Variants in TLN2 observed in about 807,000 individuals in gnomAD.
TLN2 encodes talin 2, also known as talin-2.
A neutral mutation model predicts 294.7 loss-of-function variants in TLN2; 118 were observed. The ratio of observed to expected loss-of-function variants is 0.40; its 90% CI spans 0.34 to 0.47. The LOEUF is 0.47. TLN2 is among the 20% of genes least tolerant of loss of function. TLN2 has a pLI of 0.84. For missense variants in TLN2, 3,083 were observed against 3,282.2 expected (o/e 0.94, Z 1.48); for synonymous variants, 1,431 against 1,304.5 (o/e 1.10, Z -2.09).
At chr15:62,669,441 T>C (rs1249520241) in intron 9 of TLN2, among the ~76,000 whole-genome samples, 4 of 152,196 alleles carry the variant, frequency 2.6e-5, no homozygotes, top group South Asian at 2.1e-4. Flanking sequence ...TTTACTGGAA[T>C]AGAGGATCTG....
intron 42 of TLN2, among the ~76,000 whole-genome samples, 164 bp downstream of exon 42, chr15:62,771,298 TAGGG>T (rs1198489954): frequency 6.6e-6 from 1 of 152,196 alleles, no homozygotes; most frequent in Non-Finnish European, 1.5e-5. Flanking sequence ...CCAAGGTTCT[TAGGG>T]AGGAAATGAA....
intron 1 of TLN2, among the ~76,000 whole-genome samples, chr15:62,467,490 C>T (rs1342223135): frequency 5.9e-5 from 9 of 152,182 alleles, no homozygotes; most frequent in South Asian, 2.1e-4. Context: ...GTCAGGAGTT[C>T]GAGACCAGCC....
chr15:62,770,401 G>A (rs373391468), intron 41 of TLN2, among the ~76,000 whole-genome samples: 1 of 152,164 alleles, frequency 6.6e-6, no homozygotes, highest in African/African-American at 2.4e-5. Context: ...GTTCCTGTCG[G>A]GATAAGCTTT....
rs778629515 is a variant in TLN2, at chr15:62,711,971, T to C, written c.2528T>C (p.Met843Thr). ...AQATSDLVNA[M>T]RSDAEAEIDM... is the part of the protein sequence containing the mutation. ...GCCACATCAGACCTCGTCAATGCCA[T>C]GAGGTCAGATGCAGAAGCCGAAATC... The change falls in exon 22 of 59, where the codon ATG (methionine) becomes ACG (threonine). Residue 843 changes from methionine (M) to threonine (T), a missense_variant. Coordinates refer to ENST00000636159, the MANE Select transcript of TLN2 (RefSeq NM_015059.3). The C allele has an allele frequency of 6.2e-7, 1 of 1,614,138 alleles. No individual in the cohort carries two copies. Among genetic ancestry groups the C allele is most frequent in the Non-Finnish European group, 8.5e-7 (1 of 1,179,996 alleles).
At chr15:62,643,829 G>A (rs1567246985) in intron 3 of TLN2, among the ~76,000 whole-genome samples, 1 of 152,150 alleles carries the variant, frequency 6.6e-6, no homozygotes, top group East Asian at 1.9e-4. Context: ...CACCTTCTCC[G>A]CAATAGACCC....
At chr15:62,477,580 T>C (rs1408879039) in intron 1 of TLN2, among the ~76,000 whole-genome samples, 1 of 152,170 alleles carries the variant, frequency 6.6e-6, no homozygotes, top group Non-Finnish European at 1.5e-5. Context: ...CCCTTAAATG[T>C]TGTGCTTTTC....
intron 3 of TLN2, among the ~76,000 whole-genome samples, chr15:62,631,436 TC>T (rs751107011): frequency 7.9e-5 from 12 of 151,562 alleles, no homozygotes; most frequent in Non-Finnish European, 1.3e-4. Context: ...CTTCCTTTCT[TC>T]CTTTCTTCCT....
At chr15:62,450,648 C>T (rs2036081002) in intron 1 of TLN2, among the ~76,000 whole-genome samples, 1 of 151,972 alleles carries the variant, frequency 6.6e-6, no homozygotes, top group Non-Finnish European at 1.5e-5. Flanking sequence ...GAACGCTGAT[C>T]ACTGCAACTT....
intron 1 of TLN2, among the ~76,000 whole-genome samples, chr15:62,435,839 G>C (rs754103080): frequency 1.3e-5 from 2 of 152,204 alleles, no homozygotes; most frequent in African/African-American, 4.8e-5. Flanking sequence ...ACCATGCCAG[G>C]CCTTGCTGTT....
intron 1 of TLN2, among the ~76,000 whole-genome samples, chr15:62,532,393 A>G (rs1221457738): frequency 6.6e-6 from 1 of 152,078 alleles, no homozygotes; most frequent in Non-Finnish European, 1.5e-5. Context: ...CACTGCATCC[A>G]GCATTACTGG....
chr15:62,631,497 TCCTC>T (rs2049824817), intron 3 of TLN2, among the ~76,000 whole-genome samples: 1 of 149,082 alleles, frequency 6.7e-6, no homozygotes, highest in Non-Finnish European at 1.5e-5. Context: ...CTTTCTTTCT[TCCTC>T]TTTTCTTTCT....
At chr15:62,548,424 A>T (rs1248864712) in intron 1 of TLN2, among the ~76,000 whole-genome samples, 1 of 152,240 alleles carries the variant, frequency 6.6e-6, no homozygotes, top group Non-Finnish European at 1.5e-5. Context: ...CTTAAACAAT[A>T]AAGACAATGC....
chr15:62,824,745 AGAAAACATTTTTTCTGGTACAT>A (rs1452056402), intron 54 of TLN2, among the ~76,000 whole-genome samples: 1 of 152,236 alleles, frequency 6.6e-6, no homozygotes, highest in African/African-American at 2.4e-5. Flanking sequence ...ATTATGATAT[AGAAAACATTTTTTCTGGTACAT>A]AACAGCCTTC....
Position 62,695,702 on chromosome 15 carries a change from C to T in TLN2, c.1292+1310C>T, listed in dbSNP as rs113599462. Among the ~76,000 whole-genome samples, 7 of 152,328 alleles carry T rather than the reference C, an allele frequency of 4.6e-5. 1 individual carries two copies. Among genetic ancestry groups the T allele is most frequent in the African/African-American group, 7.2e-5 (3 of 41,564 alleles). On this transcript the variant is annotated intron_variant, in intron 14 of 58. Coordinates refer to ENST00000636159, the MANE Select transcript of TLN2 (RefSeq NM_015059.3). ...GTTTTTCCATTTGTCCCCACTAGTA[C>T]GCAAGTTGGAACCAAACTTGATATG...
At chr15:62,501,116 A>G (rs902256041) in intron 1 of TLN2, among the ~76,000 whole-genome samples, 3 of 152,264 alleles carry the variant, frequency 2.0e-5, no homozygotes, top group African/African-American at 7.2e-5. Context: ...CTCATTGAGC[A>G]AAAGATAAAT....
chr15:62,766,265 G>T, intron 40 of TLN2, 56 bp from the exon 41 acceptor site: 1 of 1,480,950 alleles, frequency 6.8e-7, no homozygotes, highest in Non-Finnish European at 9.4e-7. Context: ...TTTTGAATCA[G>T]TGCAGCTCTG....
chr15:62,414,972 C>T lies in TLN2; in HGVS notation c.-238+24287C>T, dbSNP rs1458380043. The stretch of plus-strand genomic sequence containing the variant: ...TGCTGCCCAGGCTGGAGTGCAATGG[C>T]GTGATCTCGGCTCCCTGCAACCTGT... On this transcript the variant is annotated intron_variant, in intron 1 of 58. Transcript: ENST00000636159. 4.3e-5 allele frequency among the ~76,000 whole-genome samples: 6 copies of T among 140,850 alleles called. 1 individual carries two copies. Among genetic ancestry groups the T allele is most frequent in the Non-Finnish European group, 6.1e-5 (4 of 65,926 alleles). The allele number at this position is 140,850 out of a possible 152,430, so 92.4% of individuals were successfully genotyped here.
chr15:62,831,762 G>GTAT (rs1442497775), intron 54 of TLN2: 1 of 152,216 alleles, frequency 6.6e-6, no homozygotes, highest in Non-Finnish European at 1.5e-5. Context: ...CATTGAAATT[G>GTAT]TATTTTGATA....
chr15:62,431,346 A>G (rs1595787836), intron 1 of TLN2, among the ~76,000 whole-genome samples: 1 of 152,262 alleles, frequency 6.6e-6, no homozygotes, highest in East Asian at 1.9e-4. Flanking sequence ...AGAGCAGCAC[A>G]GCAGTAGGGA....
Sources: gnomAD v4.1 joint callset for allele counts (sites outside exome capture counted in the v4.1 genomes callset) on GRCh38, gnomAD v4.1.1 for gene constraint, MANE v1.5 for transcripts, NCBI Gene and HGNC (gene_info 2026-07-23, HGNC 2026-07-21) for gene names.